Variants in TMEM178B observed in about 807,000 individuals in gnomAD.
The protein encoded by TMEM178B is transmembrane protein 178B.
TMEM178B carries 5 observed loss-of-function variants against 31.0 expected under a neutral mutation model. That is an observed-to-expected ratio of 0.16 (90% confidence interval 0.08 to 0.34). The LOEUF (loss-of-function observed/expected upper bound fraction) is 0.34, where lower values mean the gene tolerates loss of function less well. Among genes scored for constraint, TMEM178B ranks in the 10% least tolerant of loss-of-function variants. The pLI, the probability that TMEM178B is intolerant of heterozygous loss-of-function variation, is 1.00. For missense variants in TMEM178B, 275 were observed against 400.3 expected (o/e 0.69, Z 2.67); for synonymous variants, 164 against 164.0 (o/e 1.00, Z 0.00).
chr7:141,081,653 A>G (rs779689298), intron 1 of TMEM178B, among the ~76,000 whole-genome samples: 1 of 152,272 alleles, frequency 6.6e-6, no homozygotes, highest in Non-Finnish European at 1.5e-5. Flanking sequence ...AAGAAAAAAA[A>G]AAAGAAAGAA....
intron 1 of TMEM178B, among the ~76,000 whole-genome samples, chr7:141,205,604 C>T (rs958718131): frequency 7.2e-5 from 11 of 152,162 alleles, no homozygotes; most frequent in African/African-American, 2.7e-4. Context: ...TCAAGGAGAA[C>T]AATATTTGAT....
intron 2 of TMEM178B, among the ~76,000 whole-genome samples, chr7:141,231,040 T>C (rs1318410166): frequency 1.3e-5 from 2 of 152,150 alleles, no homozygotes; most frequent in Admixed American, 1.3e-4. Context: ...AAGCCCTAAG[T>C]GATGTTCAGA....
At chr7:141,165,879 T>C (rs1431892929) in intron 1 of TMEM178B, among the ~76,000 whole-genome samples, 1 of 152,212 alleles carries the variant, frequency 6.6e-6, no homozygotes, top group African/African-American at 2.4e-5. Flanking sequence ...TTTGTGAGAT[T>C]AAGTGACTTT....
At chr7:141,189,293 A>T (rs966956760) in intron 1 of TMEM178B, among the ~76,000 whole-genome samples, 1 of 152,254 alleles carries the variant, frequency 6.6e-6, no homozygotes, top group African/African-American at 2.4e-5. Context: ...GAACTTTCCC[A>T]TGCAGTGGCT....
intron 2 of TMEM178B, among the ~76,000 whole-genome samples, chr7:141,380,908 C>T (rs191121465): frequency 2.6e-5 from 4 of 152,284 alleles, no homozygotes; most frequent in Admixed American, 2.6e-4. Context: ...TTCAAATATA[C>T]ATCTAGAAGA....
At chr7:141,204,004 C>T (rs187191989) in intron 1 of TMEM178B, among the ~76,000 whole-genome samples, 49 of 152,206 alleles carry the variant, frequency 3.2e-4, no homozygotes, top group Non-Finnish European at 4.4e-5. Context: ...AAGCCTGCCT[C>T]ATCCAACAGT....
intron 2 of TMEM178B, among the ~76,000 whole-genome samples, chr7:141,420,571 T>G (rs1276077742): frequency 6.6e-6 from 1 of 151,548 alleles, no homozygotes; most frequent in Non-Finnish European, 1.5e-5. Context: ...AAAGGAGAGG[T>G]CGACCGAGCC....
chr7:141,501,915 AG>A, the TMEM178B span, among the ~76,000 whole-genome samples: 1 of 152,084 alleles, frequency 6.6e-6, no homozygotes, highest in Non-Finnish European at 1.5e-5. Context: ...GAGGAAAACT[AG>A]GCTCCAGATG....
At chr7:141,365,689 G>A (rs574556969) in intron 2 of TMEM178B, among the ~76,000 whole-genome samples, 45 of 152,266 alleles carry the variant, frequency 3.0e-4, no homozygotes, top group African/African-American at 9.9e-4. Context: ...CTGTGTGCCC[G>A]TGTCTTCACA....
chr7:141,400,938 T>G (rs1412021471), intron 2 of TMEM178B, among the ~76,000 whole-genome samples: 1 of 152,204 alleles, frequency 6.6e-6, no homozygotes, highest in Non-Finnish European at 1.5e-5. Context: ...ATGTCTTCTC[T>G]TTTAGCCTCT....
At chr7:141,379,213 TC>T (rs1214395324) in intron 2 of TMEM178B, among the ~76,000 whole-genome samples, 1 of 151,620 alleles carries the variant, frequency 6.6e-6, no homozygotes, top group African/African-American at 2.4e-5. Flanking sequence ...ATGCCTGTAA[TC>T]CTAGCACTTT....
At chr7:141,149,188 C>T (rs1795912249) in intron 1 of TMEM178B, among the ~76,000 whole-genome samples, 1 of 152,212 alleles carries the variant, frequency 6.6e-6, no homozygotes, top group Non-Finnish European at 1.5e-5. Context: ...GACTAGATTT[C>T]AGTAGATGTT....
rs1000376830 is a variant in TMEM178B, at chr7:141,074,539, G to A, written c.229G>A (p.Gly77Ser). 2.6e-6 allele frequency: 4 copies of A among 1,535,862 alleles called. No homozygotes were observed. The African/African-American group carries it at 4.1e-5, about 16-fold the overall frequency. The stretch of plus-strand genomic sequence containing the variant: ...CCGCTCGCGCCTGGACCGCTGGGAG[G>A]GCAAACTCCTCCGGGCCCGGAATCG... Reference protein sequence around the residue: ...ASRSRLDRWEGKLLRARNRRQ... With the variant: ...ASRSRLDRWESKLLRARNRRQ... Residue 77 changes from glycine to serine, a missense_variant, in exon 1 of 4, where the codon GGC becomes AGC. By Grantham distance (56) the Gly-to-Ser change is moderately conservative. Transcript: ENST00000565468. This position sits in a 1 kb window ranked among gnomAD's most constrained non-coding sequence, Gnocchi z 5.1.
chr7:141,093,339 A>G (rs1794909055), intron 1 of TMEM178B, among the ~76,000 whole-genome samples: 1 of 152,240 alleles, frequency 6.6e-6, no homozygotes, highest in Non-Finnish European at 1.5e-5. Flanking sequence ...ATATTTCAAC[A>G]GGAGCTGGCA....
intron 1 of TMEM178B, among the ~76,000 whole-genome samples, chr7:141,205,006 T>A (rs1035262760): frequency 2.6e-5 from 4 of 151,980 alleles, no homozygotes; most frequent in African/African-American, 9.7e-5. Flanking sequence ...AGTTTTTTTT[T>A]ATAGAGACGG....
intron 2 of TMEM178B, among the ~76,000 whole-genome samples, chr7:141,237,629 C>T (rs1797548564): frequency 6.6e-6 from 1 of 152,014 alleles, no homozygotes; most frequent in African/African-American, 2.4e-5. Context: ...AGTGATTTTT[C>T]CTTTCAAGAT....
At chr7:141,124,829 C>T (rs1795463741) in intron 1 of TMEM178B, among the ~76,000 whole-genome samples, 1 of 152,128 alleles carries the variant, frequency 6.6e-6, no homozygotes, top group Non-Finnish European at 1.5e-5. Flanking sequence ...AAAAACCTTT[C>T]AGAAAAAGAT....
At chr7:141,312,165 C>G (rs563870097) in intron 2 of TMEM178B, among the ~76,000 whole-genome samples, 1 of 152,302 alleles carries the variant, frequency 6.6e-6, no homozygotes, top group African/African-American at 2.4e-5. Flanking sequence ...ACCTGGACCT[C>G]TCTTCTGAAA....
intron 1 of TMEM178B, among the ~76,000 whole-genome samples, chr7:141,196,631 C>T (rs1308113094): frequency 6.6e-6 from 1 of 152,122 alleles, no homozygotes; most frequent in Non-Finnish European, 1.5e-5. Context: ...TTAACTAACC[C>T]ATATAACCCT....
Sources: gnomAD v4.1 joint callset for allele counts (sites outside exome capture counted in the v4.1 genomes callset) on GRCh38, gnomAD v4.1.1 for gene constraint, Gnocchi (gnomAD v3.1) non-coding constraint, MANE v1.5 for transcripts, NCBI Gene and HGNC (gene_info 2026-07-23, HGNC 2026-07-21) for gene names.